C2: variants seen among roughly 807,000 people sequenced by gnomAD.
C2 encodes C3/C5 convertase.
A neutral mutation model predicts 85.2 loss-of-function variants in C2; 64 were observed. The observed-to-expected ratio is 0.75, with a 90% confidence interval of 0.61 to 0.92. C2 has a LOEUF of 0.92. C2 is among the 40% of genes least tolerant of loss of function. C2 has a pLI of 0.00. For synonymous variants in C2, 311 were observed against 370.8 expected, an observed-to-expected ratio of 0.84 and a Z score of 1.85; for missense variants, 820 against 971.6, an observed-to-expected ratio of 0.84 and a Z score of 2.07.
At chr6:31,903,133 C>G (rs1767484900) in intron 1 of C2, among the ~76,000 whole-genome samples, 1 of 152,206 alleles carries the variant, frequency 6.6e-6, no homozygotes, top group Admixed American at 6.5e-5. Flanking sequence ...ACCCACTTCC[C>G]CACCTATCCA....
intron 1 of C2, among the ~76,000 whole-genome samples, chr6:31,908,601 G>C (rs565246878): frequency 1.3e-5 from 2 of 150,046 alleles, no homozygotes; most frequent in African/African-American, 4.9e-5. Context: ...GTAATGAGCC[G>C]AGATTGCACC....
chr6:31,921,186 C>G lies in C2; in HGVS notation c.-100+1160C>G, dbSNP rs1301101031. On this transcript the variant is annotated intron_variant, in intron 1 of 3. Transcript: ENST00000413154. The surrounding 1 kb of genome is among the most constrained non-coding windows in gnomAD (Gnocchi z 4.6). ...ATTAAAAAAGAAATGGATGAGAAAC[C>G]AAAGCCAATTCTGTTGCTGACCTGA... 6.6e-6 allele frequency among the ~76,000 whole-genome samples: 1 copy of G among 152,032 alleles called. No individual in the cohort carries two copies. The highest frequency in any genetic ancestry group is 1.5e-5 in the Non-Finnish European group (1 of 68,020).
chr6:31,909,723 C>T (rs981553414), intron 1 of C2, among the ~76,000 whole-genome samples: 2 of 151,752 alleles, frequency 1.3e-5, no homozygotes, highest in Non-Finnish European at 2.9e-5. Flanking sequence ...GGATCACAGG[C>T]GTGAGCCACT....
At chr6:31,927,208 C>T (rs1386699569), upstream of C2, among the ~76,000 whole-genome samples, 1 of 152,216 alleles carries the variant, frequency 6.6e-6, no homozygotes, top group Non-Finnish European at 1.5e-5. The surrounding 1 kb of genome is among the most constrained non-coding windows in gnomAD (Gnocchi z 4.7). Context: ...TAGTTTCACC[C>T]CCCTCGGAAG....
At chr6:31,938,500 T>A (rs866094166) in intron 8 of C2, among the ~76,000 whole-genome samples, 2 of 132,456 alleles carry the variant, frequency 1.5e-5, no homozygotes, top group Admixed American at 7.4e-5. Context: ...ATATATATAT[T>A]TATTTTTTTG....
At position 31,944,965 on chromosome 6, in the gene C2, A is replaced by C; in HGVS notation, c.2030-15A>C. On this transcript the variant is annotated splice_polypyrimidine_tract_variant and intron_variant, in intron 16 of 17. Coordinates refer to ENST00000299367, the MANE Select transcript of C2 (RefSeq NM_000063.6). The surrounding 1 kb of genome is among the most constrained non-coding windows in gnomAD (Gnocchi z 5.1). ...GCCCTAGATGACACTGTCTCCTGTC[A>C]CCCTTTGCTGGCAGGAGAATCTGGG... 6.2e-7 allele frequency: 1 copy of C among 1,612,966 alleles called. No homozygotes were observed. The highest frequency in any genetic ancestry group is 8.5e-7 in the Non-Finnish European group (1 of 1,180,002).
At chr6:31,915,971 G>C (rs138291285), upstream of C2, among the ~76,000 whole-genome samples, 43 of 152,322 alleles carry the variant, frequency 2.8e-4, no homozygotes, top group Non-Finnish European at 4.6e-4. Flanking sequence ...GTGTCACAGC[G>C]TTCCTACCCT....
chr6:31,919,572 T>G (rs1243135334), upstream of C2, among the ~76,000 whole-genome samples: 1 of 152,220 alleles, frequency 6.6e-6, no homozygotes, highest in Non-Finnish European at 1.5e-5. Context: ...GAGGCAACTC[T>G]CCTATCCAGT....
Position 31,944,389 on chromosome 6 carries a change from T to C in C2, c.1902+163T>C, listed in dbSNP as rs948565610. 6.6e-6 allele frequency among the ~76,000 whole-genome samples: 1 copy of C among 152,150 alleles called. No individual in the cohort carries two copies. The highest frequency in any genetic ancestry group is 1.5e-5 in the Non-Finnish European group (1 of 68,020). ...GTCCCTGGGTCTGCTTATTCTTTTT[T>C]TGTTGTTATTGAGATGGAGTCTTGC... is the stretch of plus-strand genomic sequence containing the variant. On this transcript the variant is annotated intron_variant, in intron 15 of 17. Coordinates refer to ENST00000299367, the MANE Select transcript of C2 (RefSeq NM_000063.6). This position sits in a 1 kb window ranked among gnomAD's most constrained non-coding sequence, Gnocchi z 5.1.
In C2 at chr6:31,945,416, C is replaced by T; in HGVS notation, c.*59C>T. ...AATCTGCCGCCCCTCCATCTTCTAC[C>T]TCTGAATGGCCACCCTTAGACCCTG... On this transcript the variant is annotated 3_prime_UTR_variant, in exon 18 of 18. Coordinates refer to ENST00000299367, the MANE Select transcript of C2 (RefSeq NM_000063.6). The surrounding 1 kb of genome is among the most constrained non-coding windows in gnomAD (Gnocchi z 5.3). The T allele has an allele frequency of 6.8e-7, 1 of 1,473,790 alleles. No homozygotes were observed. The highest frequency in any genetic ancestry group is 9.5e-7 in the Non-Finnish European group (1 of 1,057,158). 91.3% of individuals were successfully genotyped at this position (1,473,790 alleles called of 1,614,324 possible).
At chr6:31,913,882 C>T (rs1170465923) in intron 1 of C2, among the ~76,000 whole-genome samples, 1 of 151,934 alleles carries the variant, frequency 6.6e-6, no homozygotes, top group East Asian at 1.9e-4. Flanking sequence ...TCGTGATCTG[C>T]CCGCCTTGGC....
In C2 at chr6:31,935,922, G is replaced by A; in HGVS notation, c.850-1G>A. The A allele has an allele frequency of 1.9e-6, 3 of 1,612,856 alleles. No homozygotes were observed. Among genetic ancestry groups the A allele is most frequent in the Non-Finnish European group, 1.7e-6 (2 of 1,179,986 alleles). On this transcript the variant is annotated splice_acceptor_variant, in intron 6 of 17. Transcript: ENST00000299367. LOFTEE classifies it high-confidence loss of function. This position sits in a 1 kb window ranked among gnomAD's most constrained non-coding sequence, Gnocchi z 4.3. The stretch of plus-strand genomic sequence containing the variant: ...CGCTGCCTCTCACTTGCCCCGCACA[G>A]ATCTTCAGCTTTGAGATCAATGTGA...
At position 31,935,890 on chromosome 6, in the gene C2, C is replaced by T. The variant is rs1391846765; in HGVS notation, c.850-33C>T. 1 of 1,611,906 alleles carries T rather than the reference C, an allele frequency of 6.2e-7. No individual in the cohort carries two copies. The highest frequency in any genetic ancestry group is 1.1e-5 in the South Asian group (1 of 91,046). On this transcript the variant is annotated intron_variant, in intron 6 of 17. Transcript: ENST00000299367. This position sits in a 1 kb window ranked among gnomAD's most constrained non-coding sequence, Gnocchi z 4.3. The stretch of plus-strand genomic sequence containing the variant: ...TACCATCTCCCCTTTGGCTTCAGGG[C>T]CCTTTACGCTGCCTCTCACTTGCCC...
upstream of C2, among the ~76,000 whole-genome samples, chr6:31,926,256 A>G (rs1443671939): frequency 6.6e-6 from 1 of 151,842 alleles, no homozygotes; most frequent in Non-Finnish European, 1.5e-5. Context: ...CACAGCAGCC[A>G]CTTTGGAGTC....
chr6:31,943,673 T>C lies in C2; in HGVS notation c.1597T>C (p.Phe533Leu), dbSNP rs1427215940. Residue 533 changes from phenylalanine (F) to leucine (L), a missense_variant, in exon 13 of 18, where the codon TTC becomes CTC. Transcript: ENST00000299367. The surrounding 1 kb of genome is among the most constrained non-coding windows in gnomAD (Gnocchi z 6.4). Reference sequence around the variant, plus strand: ...CCCCAAATCCCAGTGGGGCAAAGAATTCCTTATTGAGAAGGCGGTGATCTC... The same window carrying C: ...CCCCAAATCCCAGTGGGGCAAAGAACTCCTTATTGAGAAGGCGGTGATCTC... ...GDPKSQWGKE[F>L]LIEKAVISPG... 1 of 1,613,064 alleles carries C rather than the reference T, an allele frequency of 6.2e-7. No homozygotes were observed.
rs200459401 is a variant in C2, at chr6:31,928,845, C to T, written c.370C>T (p.Arg124Trp). ...SFECEDGFIL[R>W]GSPVRQCRPN... ...CGAGTGTGAGGATGGCTTCATATTG[C>T]GGGGCTCGCCTGTGCGTCAGTGTCG... Residue 124 changes from arginine (R) to tryptophan (W), a missense_variant, in exon 3 of 18, where the codon CGG becomes TGG. By Grantham distance (101) the Arg-to-Trp change is moderately radical (BLOSUM62 -3). Transcript: ENST00000299367. 5 of 1,614,194 alleles carry T rather than the reference C, an allele frequency of 3.1e-6. No homozygotes were observed. The African/African-American group carries it at 4.0e-5, about 13-fold the overall frequency.
chr6:31,921,227 T>C lies in C2; in HGVS notation c.-100+1201T>C, dbSNP rs1197982677. ...GCTGACCTGAAAGATGCTATTTACTTGGGGTGGAAATAGGATGGGGGAGGG... is the reference window on the plus strand; with the variant it reads ...GCTGACCTGAAAGATGCTATTTACTCGGGGTGGAAATAGGATGGGGGAGGG... On this transcript the variant is annotated intron_variant, in intron 1 of 3. Transcript: ENST00000413154. The surrounding 1 kb of genome is among the most constrained non-coding windows in gnomAD (Gnocchi z 4.6). Among the ~76,000 whole-genome samples the C allele has an allele frequency of 6.6e-6, 1 of 151,956 alleles. No homozygotes were observed.
upstream of C2, among the ~76,000 whole-genome samples, chr6:31,898,761 C>T (rs2062259577): frequency 6.6e-6 from 1 of 151,874 alleles, no homozygotes; most frequent in Non-Finnish European, 1.5e-5. Flanking sequence ...GTAGCTCATC[C>T]CTAGCACTGA....
chr6:31,931,903 C>T (rs1483261605), intron 3 of C2, among the ~76,000 whole-genome samples: 1 of 77,016 alleles, frequency 1.3e-5, no homozygotes, highest in Non-Finnish European at 3.2e-5. Flanking sequence ...CTGACCCCCC[C>T]ACCTCCCTCC....
Sources: allele counts gnomAD v4.1 joint callset (sites outside exome capture counted in the v4.1 genomes callset), GRCh38; gene constraint gnomAD v4.1.1; non-coding constraint Gnocchi (gnomAD v3.1); transcripts MANE v1.5; gene names NCBI Gene and HGNC (gene_info 2026-07-23, HGNC 2026-07-21).